The following SLIT3 variants were observed in gnomAD, a reference collection of about 807,000 sequenced individuals.
The protein encoded by SLIT3 is slit guidance ligand 3.
Under a neutral mutation model 184.0 loss-of-function variants are expected in SLIT3, and 68 were observed. The observed-to-expected ratio is 0.37, with a 90% CI of 0.30 to 0.45. The LOEUF (loss-of-function observed/expected upper bound fraction) is 0.45, where lower values mean the gene tolerates loss of function less well. Among genes scored for constraint, SLIT3 ranks in the 20% least tolerant of loss-of-function variants. SLIT3 has a pLI of 1.00. For missense variants in SLIT3, 1,707 were observed against 2,026.0 expected, an observed-to-expected ratio of 0.84 and a Z score of 3.02; for synonymous variants, 831 against 828.6, an observed-to-expected ratio of 1.00 and a Z score of -0.05.
chr5:169,081,499 G>C (rs192064266), intron 4 of SLIT3, among the ~76,000 whole-genome samples: 1 of 152,152 alleles, frequency 6.6e-6, no homozygotes, highest in Non-Finnish European at 1.5e-5. Flanking sequence ...AGGTGCTAAT[G>C]GGGCCCTTTC....
intron 4 of SLIT3, among the ~76,000 whole-genome samples, chr5:169,074,546 A>G (rs1167132815): frequency 6.6e-6 from 1 of 152,224 alleles, no homozygotes; most frequent in Non-Finnish European, 1.5e-5. Context: ...AACCATCAGA[A>G]ACCCAATTTT....
intron 4 of SLIT3, among the ~76,000 whole-genome samples, chr5:168,907,926 TATATATATA>T (rs1561999951): frequency 2.6e-4 from 22 of 84,962 alleles, no homozygotes; most frequent in Admixed American, 7.6e-4. Context: ...ATATCTATTT[TATATATATA>T]TTATACGTGT....
intron 5 of SLIT3, among the ~76,000 whole-genome samples, chr5:168,851,346 T>C (rs1581145507): frequency 6.9e-6 from 1 of 144,866 alleles, no homozygotes; most frequent in Non-Finnish European, 1.5e-5. Flanking sequence ...AAAAGATAGT[T>C]ACGGGGGACA....
chr5:169,292,139 A>C lies in SLIT3; in HGVS notation c.197+8374T>G, dbSNP rs1340030983. On this transcript the variant is annotated intron_variant, in intron 1 of 35. Coordinates refer to ENST00000519560, the MANE Select transcript of SLIT3 (RefSeq NM_003062.4). ...TACTCCAGAAAATGTGCCCGATGCC[A>C]ATGTGTACCCAAGATGCTAAGGGAA... 2.6e-5 allele frequency among the ~76,000 whole-genome samples: 4 copies of C among 152,306 alleles called. No individual in the cohort carries two copies. In the East Asian group the frequency reaches 7.7e-4, roughly 29 times the overall value.
rs747089023 is a variant in SLIT3, at chr5:168,687,043, G to A, written c.3250C>T (p.Arg1084Cys). 1.4e-5 allele frequency: 22 copies of A among 1,614,120 alleles called. No homozygotes were observed. Among genetic ancestry groups the A allele is most frequent in the Non-Finnish European group, 1.6e-5 (19 of 1,180,044 alleles). ...GTGTCCACGCACTGGGCCCCGTGGC[G>A]GCACTTGTGGGCCACACAGTCATCA... ...DNDDCVAHKC[R>C]HGAQCVDTIN... The change falls in exon 30 of 36, where the codon CGC (arginine) becomes TGC (cysteine). Residue 1084 changes from arginine (R) to cysteine (C), a missense_variant. Physicochemically the swap from Arg to Cys is radical, Grantham distance 180. Transcript: ENST00000519560.
intron 3 of SLIT3, among the ~76,000 whole-genome samples, chr5:169,220,821 C>T (rs1228016762): frequency 1.3e-5 from 2 of 152,160 alleles, no homozygotes; most frequent in Admixed American, 6.5e-5. Flanking sequence ...AACCCTACTC[C>T]CAAAGCTTGG....
intron 16 of SLIT3, among the ~76,000 whole-genome samples, chr5:168,754,409 T>A (rs770735809): frequency 8.5e-5 from 13 of 152,156 alleles, no homozygotes; most frequent in Non-Finnish European, 1.5e-4. Flanking sequence ...TATCATACGC[T>A]CCTACTCATA....
chr5:169,248,533 C>T (rs553412708), intron 2 of SLIT3, among the ~76,000 whole-genome samples: 8 of 152,200 alleles, frequency 5.3e-5, no homozygotes, highest in African/African-American at 7.2e-5. Flanking sequence ...CAGGGGAATC[C>T]GGGAAGGGCT....
intron 4 of SLIT3, among the ~76,000 whole-genome samples, chr5:169,148,377 T>C (rs1762001190): frequency 6.6e-6 from 1 of 152,166 alleles, no homozygotes; most frequent in South Asian, 2.1e-4. Context: ...TGAATGATGA[T>C]GACAAAACGT....
intron 3 of SLIT3, among the ~76,000 whole-genome samples, chr5:169,211,574 C>T (rs990808571): frequency 2.6e-5 from 4 of 152,200 alleles, no homozygotes; most frequent in African/African-American, 7.2e-5. Flanking sequence ...TCCTGGAACA[C>T]ATTAGGGTGC....
At chr5:168,794,276 G>T (rs1756488407) in intron 10 of SLIT3, among the ~76,000 whole-genome samples, 1 of 152,156 alleles carries the variant, frequency 6.6e-6, no homozygotes, top group African/African-American at 2.4e-5. Flanking sequence ...AGAGTAAGTG[G>T]AATGAAAACA....
At chr5:168,939,455 A>G (rs772349709) in intron 4 of SLIT3, among the ~76,000 whole-genome samples, 29 of 152,250 alleles carry the variant, frequency 1.9e-4, no homozygotes, top group Non-Finnish European at 3.7e-4. Flanking sequence ...AAGGCTTAAG[A>G]TGATCTAAGT....
At chr5:169,247,010 C>T (rs140341449) in intron 2 of SLIT3, among the ~76,000 whole-genome samples, 2,769 of 148,192 alleles carry the variant, frequency 0.019, 31 homozygotes, top group Non-Finnish European at 0.029. Context: ...GCAGGCAGAT[C>T]ACGAGGTCAG....
At chr5:168,974,796 T>C (rs1258363893) in intron 4 of SLIT3, among the ~76,000 whole-genome samples, 3 of 152,326 alleles carry the variant, frequency 2.0e-5, no homozygotes, top group African/African-American at 7.2e-5. Context: ...CAAAATACCC[T>C]GACTGTCTAA....
At chr5:168,895,106 C>T (rs1760615401) in intron 4 of SLIT3, among the ~76,000 whole-genome samples, 1 of 152,208 alleles carries the variant, frequency 6.6e-6, no homozygotes, top group African/African-American at 2.4e-5. Flanking sequence ...GGCTAAGGCA[C>T]TGCAGTTTGG....
intron 21 of SLIT3, among the ~76,000 whole-genome samples, chr5:168,723,789 A>G (rs78316818): frequency 0.031 from 4,646 of 152,288 alleles, 98 homozygotes; most frequent in East Asian, 0.063. Flanking sequence ...AAATCCTCTG[A>G]TGCCTGAGTT....
Position 168,708,027 on chromosome 5 carries a change from G to A in SLIT3, c.2793C>T (p.Cys931=), listed in dbSNP as rs1281621383. 2 of 1,614,086 alleles carry A rather than the reference G, an allele frequency of 1.2e-6. No individual in the cohort carries two copies. Among genetic ancestry groups the A allele is most frequent in the East Asian group, 2.2e-5 (1 of 44,888 alleles). The change falls in exon 26 of 36, where the codon TGC becomes TGT. Residue 931 remains cysteine, a synonymous_variant. Coordinates refer to ENST00000519560, the MANE Select transcript of SLIT3 (RefSeq NM_003062.4). ...LSSPCKNNGT[C]TQDPVELYRC... ...GGTACAGCTCCACAGGGTCCTGGGTGCATGTCCCGTTATTCTTGCACGGGC... is the reference window on the plus strand; with the variant it reads ...GGTACAGCTCCACAGGGTCCTGGGTACATGTCCCGTTATTCTTGCACGGGC...
intron 4 of SLIT3, among the ~76,000 whole-genome samples, chr5:169,077,797 C>T (rs942032153): frequency 6.9e-6 from 1 of 145,712 alleles, no homozygotes; most frequent in Non-Finnish European, 1.5e-5. Flanking sequence ...GTGTTTTCTA[C>T]ATTTTCCAAA....
chr5:169,171,525 C>T (rs192997653), intron 4 of SLIT3, among the ~76,000 whole-genome samples: 3 of 152,260 alleles, frequency 2.0e-5, no homozygotes, highest in Admixed American at 2.0e-4. Context: ...GTAGCAGCCC[C>T]AAGGATTGTA....
Sources: gnomAD v4.1 joint callset for allele counts (sites outside exome capture counted in the v4.1 genomes callset) on GRCh38, gnomAD v4.1.1 for gene constraint, MANE v1.5 for transcripts, NCBI Gene and HGNC (gene_info 2026-07-23, HGNC 2026-07-21) for gene names.